GLCCI1: variants seen among roughly 807,000 people sequenced by gnomAD.
The protein encoded by GLCCI1 is glucocorticoid-induced transcript 1 protein.
GLCCI1 carries 24 observed loss-of-function variants against 52.2 expected under a neutral mutation model. The observed-to-expected ratio is 0.46, with a 90% CI of 0.33 to 0.65. GLCCI1 has a LOEUF of 0.65. Among genes scored for constraint, GLCCI1 ranks in the 30% least tolerant of loss-of-function variants. The pLI, the probability that GLCCI1 is intolerant of heterozygous loss-of-function variation, is 0.02. For synonymous variants in GLCCI1, 310 were observed against 276.5 expected (o/e 1.12, Z -1.20); for missense variants, 704 against 701.5 (o/e 1.00, Z -0.04).
At position 8,012,565 on chromosome 7, in the gene GLCCI1, C is replaced by T. The variant is rs1011950381; in HGVS notation, c.609+8506C>T. Among the ~76,000 whole-genome samples, 67 of 150,294 alleles carry T rather than the reference C, an allele frequency of 4.5e-4. 1 individual carries two copies. The highest frequency in any genetic ancestry group is 8.0e-4 in the Admixed American group (12 of 14,948). ...GTTCATGCCATTCTCCTGCCTCAGCCTCCCGAGTAGCTGGGACTACAGGCG... is the reference window on the plus strand; with the variant it reads ...GTTCATGCCATTCTCCTGCCTCAGCTTCCCGAGTAGCTGGGACTACAGGCG... On this transcript the variant is annotated intron_variant, in intron 2 of 7. Coordinates refer to ENST00000223145, the MANE Select transcript of GLCCI1 (RefSeq NM_138426.4).
chr7:8,055,711 C>G (rs1782375074), intron 4 of GLCCI1, 162 bp downstream of exon 4: 1 of 514,130 alleles, frequency 1.9e-6, no homozygotes, highest in Non-Finnish European at 3.4e-6. Context: ...GCCGGGCGGC[C>G]GGCCTTGGTG....
chr7:8,042,795 T>C (rs1000866361), intron 3 of GLCCI1, among the ~76,000 whole-genome samples: 2 of 152,214 alleles, frequency 1.3e-5, no homozygotes, highest in African/African-American at 4.8e-5. Context: ...GTTGAAATGA[T>C]AACAAAAGAT....
intron 1 of GLCCI1, among the ~76,000 whole-genome samples, chr7:7,990,720 T>C (rs1780823588): frequency 6.6e-6 from 1 of 152,126 alleles, no homozygotes; most frequent in South Asian, 2.1e-4. Flanking sequence ...TCCGACTTTA[T>C]GAAGCACTCA....
chr7:8,067,262 C>T (rs1782649048), intron 5 of GLCCI1, among the ~76,000 whole-genome samples: 1 of 152,096 alleles, frequency 6.6e-6, no homozygotes, highest in Admixed American at 6.5e-5. Flanking sequence ...ATTTTGACCG[C>T]ATGGGTGTCT....
intron 3 of GLCCI1, among the ~76,000 whole-genome samples, chr7:8,025,595 A>G (rs936859125): frequency 6.6e-6 from 1 of 152,322 alleles, no homozygotes; most frequent in South Asian, 2.1e-4. Flanking sequence ...CAGAGCAGAG[A>G]AAAAGAATCA....
At chr7:8,071,232 T>G in intron 6 of GLCCI1, 101 bp downstream of exon 6, 2 of 919,902 alleles carry the variant, frequency 2.2e-6, no homozygotes, top group Non-Finnish European at 3.3e-6. Flanking sequence ...TGTTCAATGG[T>G]GACATTGTCA....
intron 3 of GLCCI1, among the ~76,000 whole-genome samples, chr7:8,044,288 G>T (rs1221565712): frequency 2.0e-5 from 3 of 151,844 alleles, no homozygotes; most frequent in African/African-American, 7.3e-5. Context: ...CTAAAGTTCA[G>T]TGCTTTTTGA....
At chr7:8,079,827 C>A (rs1782959461) in intron 6 of GLCCI1, among the ~76,000 whole-genome samples, 1 of 151,526 alleles carries the variant, frequency 6.6e-6, no homozygotes, top group Admixed American at 6.6e-5. Context: ...AAAAATCAAT[C>A]TGATTTGAAA....
intron 3 of GLCCI1, among the ~76,000 whole-genome samples, chr7:8,039,440 C>T (rs952314721): frequency 2.9e-4 from 44 of 151,882 alleles, no homozygotes; most frequent in Admixed American, 2.6e-3. Flanking sequence ...ACACACACCA[C>T]GGAATACTAT....
chr7:7,985,167 A>G (rs796339686), intron 1 of GLCCI1, among the ~76,000 whole-genome samples: 9 of 152,092 alleles, frequency 5.9e-5, no homozygotes, highest in African/African-American at 2.2e-4. Flanking sequence ...ATATTTCTAC[A>G]GGCTGATTTT....
intron 1 of GLCCI1, among the ~76,000 whole-genome samples, chr7:7,990,055 G>GA (rs1780808948): frequency 2.0e-5 from 3 of 152,080 alleles, no homozygotes; most frequent in African/African-American, 4.8e-5. Context: ...AGAAAGGAGA[G>GA]AAAAAATCCA....
chr7:8,061,101 C>CTTTT (rs1183119492), intron 5 of GLCCI1, among the ~76,000 whole-genome samples: 1 of 138,910 alleles, frequency 7.2e-6, no homozygotes. Flanking sequence ...TGCTAGTGAT[C>CTTTT]TTTTTTTTTT....
intron 3 of GLCCI1, among the ~76,000 whole-genome samples, chr7:8,038,092 C>G (rs865860962): frequency 6.6e-6 from 1 of 152,168 alleles, no homozygotes; most frequent in Admixed American, 6.5e-5. Flanking sequence ...ATACATTCTT[C>G]TCATTAGTGC....
chr7:8,052,942 T>G (rs150120136), intron 3 of GLCCI1, among the ~76,000 whole-genome samples: 326 of 152,332 alleles, frequency 2.1e-3, no homozygotes, highest in Middle Eastern at 6.8e-3. Flanking sequence ...GATTTCTGTC[T>G]TCTTCAGTCC....
At chr7:8,013,673 T>G (rs1279103256) in intron 2 of GLCCI1, among the ~76,000 whole-genome samples, 1 of 152,338 alleles carries the variant, frequency 6.6e-6, no homozygotes, top group East Asian at 1.9e-4. Flanking sequence ...TGTTTGCCCT[T>G]CAGAATATTT....
chr7:7,998,915 A>G (rs1270965745), intron 1 of GLCCI1, among the ~76,000 whole-genome samples: 2 of 152,098 alleles, frequency 1.3e-5, no homozygotes, highest in Admixed American at 1.3e-4. Flanking sequence ...TTTTTGAGAT[A>G]CAGAAAGAAA....
rs564723848 is a variant in GLCCI1, at chr7:8,060,161, G to A, written c.879G>A (p.Ser293=). ...SNISVPKSSV[S]RVPCNVEGIS... ...TATCAGTGCCAAAATCATCTGTTTCGCGTGTGCCCTGCAATGTAGAAGGAA... is the reference window on the plus strand; with the variant it reads ...TATCAGTGCCAAAATCATCTGTTTCACGTGTGCCCTGCAATGTAGAAGGAA... The change falls in exon 5 of 8, where the codon TCG becomes TCA. Residue 293 remains serine, a synonymous_variant. Coordinates refer to ENST00000223145, the MANE Select transcript of GLCCI1 (RefSeq NM_138426.4). 3.5e-5 allele frequency: 56 copies of A among 1,613,416 alleles called. No homozygotes were observed. Among genetic ancestry groups the A allele is most frequent in the South Asian group, 2.6e-4 (24 of 91,034 alleles).
intron 6 of GLCCI1, among the ~76,000 whole-genome samples, chr7:8,082,048 A>T (rs1783006826): frequency 6.6e-6 from 1 of 152,214 alleles, no homozygotes; most frequent in South Asian, 2.1e-4. Context: ...ACTTACCATT[A>T]CTGGTAAACA....
At position 7,969,943 on chromosome 7, in the gene GLCCI1, C is replaced by T. The variant is rs1438829884; in HGVS notation, c.457+136C>T. On this transcript the variant is annotated intron_variant, in intron 1 of 7. Transcript: ENST00000223145. The surrounding 1 kb of genome is among the most constrained non-coding windows in gnomAD (Gnocchi z 4.9). ...GAAAGTGGCTTTGGGAATCTCACCC[C>T]CCTGCGGTCGCTGTGGGGCTTGGAG... The T allele has an allele frequency of 1.8e-6, 2 of 1,101,904 alleles. No individual in the cohort carries two copies. The highest frequency in any genetic ancestry group is 2.7e-5 in the South Asian group (1 of 37,042). 68.3% of individuals were successfully genotyped at this position (1,101,904 alleles called of 1,614,324 possible). A position where few individuals can be genotyped will look rare whatever the true frequency, so the allele number is the denominator to read the frequency against.
Sources: gnomAD v4.1 joint callset for allele counts (sites outside exome capture counted in the v4.1 genomes callset) on GRCh38, gnomAD v4.1.1 for gene constraint, Gnocchi (gnomAD v3.1) non-coding constraint, MANE v1.5 for transcripts, NCBI Gene and HGNC (gene_info 2026-07-23, HGNC 2026-07-21) for gene names.